Variants in PLD5 observed in about 807,000 individuals in gnomAD.
PLD5 encodes inactive phospholipase D5.
PLD5 carries 36 observed loss-of-function variants against 61.1 expected under a neutral mutation model. That is an observed-to-expected ratio of 0.59 (90% CI 0.45 to 0.78). The LOEUF is 0.78. Among genes scored for constraint, PLD5 ranks in the 30% least tolerant of loss-of-function variants. PLD5 has a pLI of 0.00. For synonymous variants in PLD5, 243 were observed against 242.8 expected, an observed-to-expected ratio of 1.00 and a Z score of -0.01; for missense variants, 515 against 644.4, an observed-to-expected ratio of 0.80 and a Z score of 2.17.
intron 5 of PLD5, among the ~76,000 whole-genome samples, chr1:242,181,906 G>A (rs958433606): frequency 5.9e-5 from 9 of 152,134 alleles, no homozygotes; most frequent in East Asian, 5.8e-4. Flanking sequence ...CTCCCAAAGT[G>A]CTGGGAAAAT....
intron 5 of PLD5, among the ~76,000 whole-genome samples, chr1:242,219,062 T>C (rs575634231): frequency 2.6e-5 from 4 of 152,326 alleles, no homozygotes; most frequent in Non-Finnish European, 5.9e-5. Context: ...ATAAAGCTGA[T>C]AACATAGGTT....
intron 1 of PLD5, among the ~76,000 whole-genome samples, chr1:242,451,640 C>T (rs1038960368): frequency 6.6e-5 from 10 of 151,298 alleles, no homozygotes; most frequent in Admixed American, 1.3e-4. Flanking sequence ...TTTGTATTTT[C>T]GTAGAGACAG....
intron 1 of PLD5, among the ~76,000 whole-genome samples, chr1:242,434,208 G>C (rs75595092): frequency 1.7e-3 from 259 of 152,376 alleles, no homozygotes; most frequent in African/African-American, 5.3e-3. Context: ...AGCGTCGGTA[G>C]AAATGGTGGA....
chr1:242,374,262 G>T (rs375085045), intron 1 of PLD5, among the ~76,000 whole-genome samples: 18 of 152,258 alleles, frequency 1.2e-4, no homozygotes, highest in African/African-American at 4.1e-4. Context: ...TAAGTTATTA[G>T]AAGATCACAG....
At chr1:242,275,056 T>C (rs1674339744) in intron 3 of PLD5, among the ~76,000 whole-genome samples, 1 of 151,642 alleles carries the variant, frequency 6.6e-6, no homozygotes, top group Non-Finnish European at 1.5e-5. Context: ...CTTACACACA[T>C]ATATATATGT....
chr1:242,178,708 T>C (rs1180266984), intron 5 of PLD5, among the ~76,000 whole-genome samples: 2 of 152,200 alleles, frequency 1.3e-5, no homozygotes, highest in African/African-American at 4.8e-5. Flanking sequence ...GCAGAATCTG[T>C]GTTATTATAG....
At chr1:242,479,392 G>A (rs1208492767) in intron 1 of PLD5, among the ~76,000 whole-genome samples, 3 of 152,100 alleles carry the variant, frequency 2.0e-5, no homozygotes, top group Non-Finnish European at 4.4e-5. Flanking sequence ...TACAAGCAAT[G>A]AAAAATTGGC....
intron 1 of PLD5, among the ~76,000 whole-genome samples, chr1:242,493,314 G>A (rs1475872820): frequency 6.6e-6 from 1 of 152,162 alleles, no homozygotes; most frequent in Non-Finnish European, 1.5e-5. Flanking sequence ...ACAAGATGAA[G>A]GGGTTGGCCC....
At chr1:242,245,168 A>T (rs1474253668) in intron 4 of PLD5, among the ~76,000 whole-genome samples, 1 of 152,052 alleles carries the variant, frequency 6.6e-6, no homozygotes, top group Non-Finnish European at 1.5e-5. Context: ...TTAGGAAAAG[A>T]AAAAAAAGGA....
intron 9 of PLD5, among the ~76,000 whole-genome samples, chr1:242,090,554 C>T (rs934239618): frequency 2.6e-5 from 4 of 152,272 alleles, no homozygotes; most frequent in Non-Finnish European, 4.4e-5. Flanking sequence ...TCAAAGAAAA[C>T]GCTGAAGCCA....
chr1:242,103,585 G>A lies in PLD5; in HGVS notation c.1240-2803C>T, dbSNP rs577996085. ...CCAAGAGTTCTCTTGTCTGTGAAAA[G>A]GTATTGAACACAATTAGACTCCATT... On this transcript the variant is annotated intron_variant, in intron 8 of 9. Coordinates refer to ENST00000536534, the MANE Select transcript of PLD5 (RefSeq NM_001372062.1). Among the ~76,000 whole-genome samples, 84 of 152,252 alleles carry A rather than the reference G, an allele frequency of 5.5e-4. 3 individuals are homozygous for A. The South Asian group carries it at 0.016, about 29-fold the overall frequency.
At chr1:242,094,589 A>C (rs972702871) in intron 9 of PLD5, among the ~76,000 whole-genome samples, 3 of 152,062 alleles carry the variant, frequency 2.0e-5, no homozygotes, top group African/African-American at 7.2e-5. Context: ...GTATTTTTAT[A>C]CTAGAACTGT....
chr1:242,124,433 A>G, intron 6 of PLD5, 35 bp downstream of exon 6: 1 of 1,582,070 alleles, frequency 6.3e-7, no homozygotes, highest in Non-Finnish European at 8.7e-7. Flanking sequence ...TTGGAGGAAG[A>G]AGGAGAAGGG....
chr1:242,527,772 A>G (rs1041984317), upstream of PLD5, among the ~76,000 whole-genome samples: 2 of 152,254 alleles, frequency 1.3e-5, no homozygotes, highest in African/African-American at 4.8e-5. Context: ...TGTTGTAGGG[A>G]AGAAAAATAG....
chr1:242,164,710 AACCTTCATTACACT>A (rs1396795454), intron 5 of PLD5, among the ~76,000 whole-genome samples: 3 of 110,588 alleles, frequency 2.7e-5, no homozygotes, highest in Non-Finnish European at 5.5e-5. Context: ...TCACTTTCAC[AACCTTCATTACACT>A]ACTTTTGGGA....
At chr1:242,515,605 T>C (rs1020286625) in intron 1 of PLD5, among the ~76,000 whole-genome samples, 3 of 152,234 alleles carry the variant, frequency 2.0e-5, no homozygotes, top group Non-Finnish European at 4.4e-5. Flanking sequence ...ATTCACATTA[T>C]TGCATGCAGA....
chr1:242,478,010 C>T (rs750024976), intron 1 of PLD5, among the ~76,000 whole-genome samples: 1 of 152,222 alleles, frequency 6.6e-6, no homozygotes, highest in Non-Finnish European at 1.5e-5. Flanking sequence ...ATTGTCTCTA[C>T]AGCCAGTGAA....
At chr1:242,270,231 C>A (rs1390747725) in intron 3 of PLD5, among the ~76,000 whole-genome samples, 2 of 150,326 alleles carry the variant, frequency 1.3e-5, no homozygotes, top group Non-Finnish European at 3.0e-5. Flanking sequence ...CGCGGGGCTC[C>A]ACAGAACACA....
chr1:242,312,421 T>C (rs1306725392), intron 2 of PLD5, among the ~76,000 whole-genome samples: 2 of 152,052 alleles, frequency 1.3e-5, no homozygotes, highest in Admixed American at 6.6e-5. Flanking sequence ...TTTTTTCTGA[T>C]TCCCTCATAT....
Sources: gnomAD v4.1 joint callset for allele counts (sites outside exome capture counted in the v4.1 genomes callset) on GRCh38, gnomAD v4.1.1 for gene constraint, MANE v1.5 for transcripts, NCBI Gene and HGNC (gene_info 2026-07-23, HGNC 2026-07-21) for gene names.